CREBBP: variants seen among roughly 807,000 people sequenced by gnomAD.
CREBBP encodes the protein CREB binding lysine acetyltransferase.
A neutral mutation model predicts 265.0 loss-of-function variants in CREBBP; 19 were observed. The observed-to-expected ratio is 0.07, with a 90% CI of 0.05 to 0.11. The LOEUF is 0.11. Among genes scored for constraint, CREBBP ranks in the 10% least tolerant of loss-of-function variants. The probability of loss-of-function intolerance (pLI) is 1.00; values close to 1 mark genes in which losing one functional copy is unlikely to be tolerated. For synonymous variants in CREBBP, 1,457 were observed against 1,223.7 expected (o/e 1.19, Z -3.98); for missense variants, 2,525 against 3,219.0 (o/e 0.78, Z 5.22).
Position 3,749,679 on chromosome 16 carries a change from T to C in CREBBP, c.3784A>G (p.Ile1262Val), listed in dbSNP as rs1315609894. Residue 1262 changes from isoleucine (I) to valine (V), a missense_variant, in exon 21 of 31, where the codon ATT (isoleucine) becomes GTT (valine). By Grantham distance (29) the Ile-to-Val change is conservative. Around this residue, in one of 19 missense-constraint regions of CREBBP, gnomAD observed 252 missense variants for 452.5 expected, o/e 0.56. Coordinates refer to ENST00000262367, the MANE Select transcript of CREBBP (RefSeq NM_004380.3). ...GDDPSQPQTT[I>V]SKDQFEKKKN... ...TTCTTTTCAAACTGATCCTTTGAAA[T>C]TGTCCTTGTTTTAAAATAAGAAAAC... 1 of 1,596,968 alleles carries C rather than the reference T, an allele frequency of 6.3e-7. No individual in the cohort carries two copies. Among genetic ancestry groups the C allele is most frequent in the Admixed American group, 1.7e-5 (1 of 59,720 alleles).
At chr16:3,826,828 A>G (rs922137761) in intron 2 of CREBBP, among the ~76,000 whole-genome samples, 3 of 152,234 alleles carry the variant, frequency 2.0e-5, no homozygotes, top group Admixed American at 2.0e-4. Flanking sequence ...AAATTTGATT[A>G]AAGTATGGAC....
intron 5 of CREBBP, among the ~76,000 whole-genome samples, chr16:3,786,322 C>T (rs1344795718): frequency 6.6e-6 from 1 of 152,072 alleles, no homozygotes; most frequent in Non-Finnish European, 1.5e-5. Flanking sequence ...GCTGAGATCG[C>T]GCCACTACAC....
intron 8 of CREBBP, 90 bp from the exon 9 acceptor site, chr16:3,778,907 T>A: frequency 9.3e-7 from 1 of 1,078,860 alleles, no homozygotes. Flanking sequence ...TGGCTCACGC[T>A]TGTAATCCCA....
intron 2 of CREBBP, among the ~76,000 whole-genome samples, chr16:3,827,014 C>CA (rs2054249992): frequency 6.6e-6 from 1 of 152,056 alleles, no homozygotes; most frequent in African/African-American, 2.4e-5. Context: ...AGAGTCTACT[C>CA]AGTCAGTTGC....
At chr16:3,810,800 C>T in intron 2 of CREBBP, 21 bp from the exon 3 acceptor site, 1 of 1,613,272 alleles carries the variant, frequency 6.2e-7, no homozygotes, top group Non-Finnish European at 8.5e-7. Flanking sequence ...AAAGAGGTAA[C>T]ATCAGCTGTG....
intron 1 of CREBBP, among the ~76,000 whole-genome samples, chr16:3,870,852 T>C (rs574510847): frequency 1.3e-5 from 2 of 151,926 alleles, no homozygotes; most frequent in African/African-American, 4.8e-5. Context: ...ACCAAGATAA[T>C]CAAAGTAAGC....
At chr16:3,809,336 C>T (rs1266713931) in intron 3 of CREBBP, among the ~76,000 whole-genome samples, 1 of 152,130 alleles carries the variant, frequency 6.6e-6, no homozygotes, top group Non-Finnish European at 1.5e-5. Context: ...CGCCACCATG[C>T]CCGGCTAATT....
chr16:3,792,500 A>G (rs1421116608), intron 4 of CREBBP, among the ~76,000 whole-genome samples: 1 of 152,228 alleles, frequency 6.6e-6, no homozygotes, highest in East Asian at 1.9e-4. Context: ...ACAGATAGAG[A>G]AGCAAATGAG....
intron 3 of CREBBP, among the ~76,000 whole-genome samples, chr16:3,802,291 C>A (rs975514525): frequency 4.6e-5 from 7 of 151,732 alleles, no homozygotes; most frequent in Middle Eastern, 3.4e-3. Context: ...GCCACCACAC[C>A]TGACTAATTT....
intron 16 of CREBBP, among the ~76,000 whole-genome samples, chr16:3,762,871 T>A (rs2052756292): frequency 6.6e-6 from 1 of 151,720 alleles, no homozygotes; most frequent in Non-Finnish European, 1.5e-5. Flanking sequence ...GCCTCCCAGG[T>A]TCATGCCATT....
intron 5 of CREBBP, among the ~76,000 whole-genome samples, chr16:3,786,877 A>G (rs1420745393): frequency 6.6e-6 from 1 of 152,148 alleles, no homozygotes; most frequent in Admixed American, 6.5e-5. Flanking sequence ...GTTCAAGACC[A>G]GCCTGGACAA....
At chr16:3,778,467 T>C (rs561969418) in intron 9 of CREBBP, among the ~76,000 whole-genome samples, 4 of 152,338 alleles carry the variant, frequency 2.6e-5, no homozygotes, top group South Asian at 2.1e-4. Flanking sequence ...ATGAAAAATA[T>C]ATCCCATGGA....
At chr16:3,786,202 T>C (rs1260324516) in intron 5 of CREBBP, among the ~76,000 whole-genome samples, 1 of 151,978 alleles carries the variant, frequency 6.6e-6, no homozygotes, top group Non-Finnish European at 1.5e-5. Context: ...CCCATCTCTA[T>C]TAAAAATACA....
intron 2 of CREBBP, among the ~76,000 whole-genome samples, chr16:3,849,445 GT>G (rs369014917): frequency 0.028 from 672 of 24,136 alleles, 43 homozygotes; most frequent in Non-Finnish European, 0.074. Context: ...GTGTGTGTGT[GT>G]GTGTGTGTGT....
At chr16:3,877,548 G>T (rs1260939282) in intron 1 of CREBBP, among the ~76,000 whole-genome samples, 1 of 152,214 alleles carries the variant, frequency 6.6e-6, no homozygotes. Context: ...AATTACAGGT[G>T]CATGTCACCA....
chr16:3,729,111 T>C lies in CREBBP; in HGVS notation c.5936A>G (p.Asn1979Ser), dbSNP rs1489773658. The change falls in exon 31 of 31, where the codon AAC becomes AGC. Residue 1979 changes from asparagine (N) to serine (S), a missense_variant. Coordinates refer to ENST00000262367, the MANE Select transcript of CREBBP (RefSeq NM_004380.3). ...QQHLYRVNIN[N>S]SMPPGRTGMG... Reference sequence around the variant, plus strand: ...GCCCGTGCGTCCTGGGGGCATGCTGTTGTTGATGTTCACCCGGTACAGGTG... The same window carrying C: ...GCCCGTGCGTCCTGGGGGCATGCTGCTGTTGATGTTCACCCGGTACAGGTG... 1 of 1,581,454 alleles carries C rather than the reference T, an allele frequency of 6.3e-7. No individual in the cohort carries two copies. Among genetic ancestry groups the C allele is most frequent in the South Asian group, 1.1e-5 (1 of 88,220 alleles).
chr16:3,775,561 A>C (rs1389324732), intron 11 of CREBBP, among the ~76,000 whole-genome samples: 1 of 152,206 alleles, frequency 6.6e-6, no homozygotes, highest in Non-Finnish European at 1.5e-5. Flanking sequence ...CACTACCTTC[A>C]ATGGCTACCT....
At chr16:3,776,198 G>A (rs1347208808) in intron 11 of CREBBP, among the ~76,000 whole-genome samples, 2 of 152,052 alleles carry the variant, frequency 1.3e-5, no homozygotes, top group African/African-American at 2.4e-5. Context: ...GATTACAGGT[G>A]TGAGCCACTG....
At chr16:3,812,948 C>T in intron 2 of CREBBP, 1 of 210,406 alleles carries the variant, frequency 4.8e-6, no homozygotes, top group Non-Finnish European at 9.6e-6. Context: ...CTGGTGACTG[C>T]CACGCCAGCA....
Sources: gnomAD v4.1 joint callset for allele counts (sites outside exome capture counted in the v4.1 genomes callset) on GRCh38, gnomAD v4.1.1 for gene constraint, gnomAD v4.1.1 regional missense constraint, MANE v1.5 for transcripts, NCBI Gene and HGNC (gene_info 2026-07-23, HGNC 2026-07-21) for gene names.